Variants in CLVS1 observed in about 807,000 individuals in gnomAD.
The protein encoded by CLVS1 is clavesin-1.
CLVS1 carries 10 observed loss-of-function variants against 33.1 expected under a neutral mutation model. The observed-to-expected ratio is 0.30, with a 90% CI of 0.19 to 0.51. The LOEUF (loss-of-function observed/expected upper bound fraction) is 0.51, where lower values mean the gene tolerates loss of function less well. CLVS1 is among the 20% of genes least tolerant of loss of function. The pLI is 0.97. For synonymous variants in CLVS1, 163 were observed against 166.1 expected, an observed-to-expected ratio of 0.98 and a Z score of 0.14; for missense variants, 343 against 433.4, an observed-to-expected ratio of 0.79 and a Z score of 1.85.
intron 3 of CLVS1, among the ~76,000 whole-genome samples, chr8:61,448,105 A>T (rs1816822005): frequency 6.6e-6 from 1 of 151,960 alleles, no homozygotes. Flanking sequence ...TCTAATGAGA[A>T]ATCTGTTGTT....
intron 1 of CLVS1, among the ~76,000 whole-genome samples, chr8:61,091,984 T>A (rs545727040): frequency 6.6e-6 from 1 of 152,218 alleles, no homozygotes; most frequent in Non-Finnish European, 1.5e-5. Flanking sequence ...AGTTAAGAAA[T>A]TTTTTGGTCT....
chr8:61,336,142 C>A (rs1811790894), intron 2 of CLVS1, among the ~76,000 whole-genome samples: 2 of 152,132 alleles, frequency 1.3e-5, no homozygotes, highest in African/African-American at 4.8e-5. Context: ...CCCACAGCAA[C>A]CCCTAGGAGT....
intron 1 of CLVS1, among the ~76,000 whole-genome samples, chr8:61,091,871 T>C (rs938223997): frequency 2.0e-5 from 3 of 152,206 alleles, no homozygotes; most frequent in Non-Finnish European, 2.9e-5. Flanking sequence ...AATGCCATGG[T>C]TAAAACTTGT....
At chr8:61,245,392 G>A (rs935271702) in intron 2 of CLVS1, among the ~76,000 whole-genome samples, 56 of 151,848 alleles carry the variant, frequency 3.7e-4, no homozygotes, top group Non-Finnish European at 1.3e-4. Context: ...TCACCATGTT[G>A]GCCAGGATGG....
At chr8:61,170,298 C>A (rs1000612352) in intron 2 of CLVS1, among the ~76,000 whole-genome samples, 4 of 152,156 alleles carry the variant, frequency 2.6e-5, no homozygotes, top group African/African-American at 9.7e-5. Context: ...TTGTGTCTAT[C>A]TGTCTGTCTC....
At chr8:61,281,050 C>T (rs1809661948) in intron 2 of CLVS1, among the ~76,000 whole-genome samples, 1 of 152,206 alleles carries the variant, frequency 6.6e-6, no homozygotes, top group Non-Finnish European at 1.5e-5. Context: ...CAAATCTATA[C>T]TCAGAAACTT....
intron 2 of CLVS1, among the ~76,000 whole-genome samples, chr8:61,347,214 GC>G (rs1812252754): frequency 6.6e-6 from 1 of 152,188 alleles, no homozygotes; most frequent in African/African-American, 2.4e-5. Flanking sequence ...GAGCATCTCA[GC>G]AGTTTTGTCT....
rs529035682 is a variant in CLVS1, at chr8:61,199,677, T to G, written c.-152+67817T>G. 2.6e-4 allele frequency among the ~76,000 whole-genome samples: 39 copies of G among 152,332 alleles called. No individual in the cohort carries two copies. The East Asian group carries it at 3.9e-3, about 15-fold the overall frequency. On this transcript the variant is annotated intron_variant, in intron 2 of 2. Transcript: ENST00000522621. ...GGTGGGAATGTAAACTAGCACAACC[T>G]CTTCCTCTTTTCTTCAGGTGTTTTG...
At chr8:60,987,748 G>C in the CLVS1 span, among the ~76,000 whole-genome samples, 1 of 152,030 alleles carries the variant, frequency 6.6e-6, no homozygotes, top group Non-Finnish European at 1.5e-5. Flanking sequence ...ATCATGATAA[G>C]CATGGAGGAA....
the CLVS1 span, among the ~76,000 whole-genome samples, chr8:60,977,030 T>C: frequency 6.6e-6 from 1 of 152,200 alleles, no homozygotes; most frequent in South Asian, 2.1e-4. Flanking sequence ...TCAGACACTT[T>C]TGGGAGGTAG....
chr8:61,449,211 ACTGACAC>A (rs1176461990), intron 3 of CLVS1, among the ~76,000 whole-genome samples: 1 of 152,174 alleles, frequency 6.6e-6, no homozygotes, highest in Non-Finnish European at 1.5e-5. Flanking sequence ...CATGGTCTCC[ACTGACAC>A]TGTGGTGGTA....
At chr8:61,354,917 C>G (rs1349304742) in intron 2 of CLVS1, among the ~76,000 whole-genome samples, 1 of 152,102 alleles carries the variant, frequency 6.6e-6, no homozygotes, top group African/African-American at 2.4e-5. Flanking sequence ...CAATGTACGT[C>G]AGATAAAATT....
chr8:61,225,044 TGGTGGCTCATGCCTG>T (rs574890998), intron 2 of CLVS1, among the ~76,000 whole-genome samples: 501 of 152,318 alleles, frequency 3.3e-3, no homozygotes, highest in African/African-American at 0.011. Flanking sequence ...TGGCCAGGCA[TGGTGGCTCATGCCTG>T]TAATCCCAGC....
At chr8:61,222,929 G>T (rs1181901016) in intron 2 of CLVS1, among the ~76,000 whole-genome samples, 51 of 94,936 alleles carry the variant, frequency 5.4e-4, no homozygotes, top group African/African-American at 2.1e-3. Context: ...GCCCTTTTTT[G>T]TCTTTTTTTT....
At chr8:61,400,584 T>C (rs1032445848) in intron 3 of CLVS1, among the ~76,000 whole-genome samples, 8 of 152,210 alleles carry the variant, frequency 5.3e-5, no homozygotes, top group African/African-American at 1.9e-4. Context: ...CGAGGAGTGA[T>C]GAGAGAGTGC....
At chr8:61,211,827 A>C (rs1807976517) in intron 2 of CLVS1, among the ~76,000 whole-genome samples, 1 of 152,208 alleles carries the variant, frequency 6.6e-6, no homozygotes, top group Non-Finnish European at 1.5e-5. Flanking sequence ...GGAGGGAAGC[A>C]GAAAGGTCAA....
chr8:61,376,119 A>AT (rs1270254175), intron 2 of CLVS1, among the ~76,000 whole-genome samples: 1 of 152,196 alleles, frequency 6.6e-6, no homozygotes, highest in African/African-American at 2.4e-5. Flanking sequence ...TCTTAGCAGG[A>AT]TTTTTTAAAC....
intron 5 of CLVS1, among the ~76,000 whole-genome samples, chr8:61,469,847 C>A (rs1248690102): frequency 6.6e-6 from 1 of 152,104 alleles, no homozygotes; most frequent in African/African-American, 2.4e-5. Context: ...ATGAATGATC[C>A]GCAGTCTCCA....
chr8:61,048,153 A>G, the CLVS1 span, among the ~76,000 whole-genome samples: 29,709 of 152,062 alleles, frequency 0.2, 3,954 homozygotes, highest in African/African-American at 0.38. Flanking sequence ...AGTTGGACAA[A>G]TACAGTAAAC....
Sources: allele counts gnomAD v4.1 joint callset (sites outside exome capture counted in the v4.1 genomes callset), GRCh38; gene constraint gnomAD v4.1.1; transcripts MANE v1.5; gene names NCBI Gene and HGNC (gene_info 2026-07-23, HGNC 2026-07-21).